The following MTA3 variants were observed in gnomAD, a reference collection of about 807,000 sequenced individuals.
MTA3 encodes metastasis-associated protein MTA3.
MTA3 carries 34 observed loss-of-function variants against 83.5 expected under a neutral mutation model. The ratio of observed to expected loss-of-function variants is 0.41; its 90% CI spans 0.31 to 0.54. The LOEUF (loss-of-function observed/expected upper bound fraction) is 0.54, where lower values mean the gene tolerates loss of function less well. Ranked by LOEUF, MTA3 falls within the 20% of genes least tolerant of loss-of-function variation. The pLI is 0.33. For missense variants in MTA3, 761 were observed against 726.4 expected, an observed-to-expected ratio of 1.05 and a Z score of -0.55; for synonymous variants, 303 against 252.7, an observed-to-expected ratio of 1.20 and a Z score of -1.89.
At chr2:42,544,270 A>G (rs1451248663) in intron 2 of MTA3, among the ~76,000 whole-genome samples, 1 of 151,888 alleles carries the variant, frequency 6.6e-6, no homozygotes, top group Non-Finnish European at 1.5e-5. Context: ...ACACAGTGAA[A>G]CCTCGTCTCT....
chr2:42,756,154 C>A lies in MTA3; in HGVS notation c.*2755C>A, dbSNP rs1670222570. ...AACAACAACAGCAAGCCGCCCCCAT[C>A]CTGAGACTGGCTGGGCACCAGGGGA... On this transcript the variant is annotated 3_prime_UTR_variant, in exon 17 of 17. Transcript: ENST00000405094. The A allele has an allele frequency of 2.4e-6, 1 of 424,214 alleles. No individual in the cohort carries two copies. Among genetic ancestry groups the A allele is most frequent in the Non-Finnish European group, 3.2e-6 (1 of 316,822 alleles). The allele number at this position is 424,214 out of a possible 1,614,324, so 26.3% of individuals were successfully genotyped here. A position where few individuals can be genotyped will look rare whatever the true frequency, so the allele number is the denominator to read the frequency against.
intron 16 of MTA3, among the ~76,000 whole-genome samples, chr2:42,731,110 C>G (rs1304959470): frequency 6.6e-6 from 1 of 152,072 alleles, no homozygotes; most frequent in African/African-American, 2.4e-5. Flanking sequence ...TTTAGTCTGG[C>G]TAAAGGTTTA....
intron 14 of MTA3, among the ~76,000 whole-genome samples, chr2:42,713,491 T>C (rs1190791600): frequency 3.3e-5 from 5 of 152,172 alleles, no homozygotes; most frequent in Admixed American, 1.3e-4. Context: ...GGGAGTTTAA[T>C]AAAAATTTGG....
chr2:42,628,406 G>T (rs971832082), intron 4 of MTA3, among the ~76,000 whole-genome samples: 2 of 151,774 alleles, frequency 1.3e-5, no homozygotes, highest in East Asian at 3.9e-4. Context: ...AAATTTTTTG[G>T]TATTTTTAGT....
intron 4 of MTA3, among the ~76,000 whole-genome samples, chr2:42,626,376 C>T (rs1033889002): frequency 6.6e-6 from 1 of 151,762 alleles, no homozygotes; most frequent in Non-Finnish European, 1.5e-5. Context: ...CGGCTCACTG[C>T]AACCTCTGCT....
intron 11 of MTA3, among the ~76,000 whole-genome samples, chr2:42,700,879 C>G (rs1413960421): frequency 6.6e-6 from 1 of 152,112 alleles, no homozygotes. Flanking sequence ...GGCAGGAAGA[C>G]TGCTTGAAGC....
At chr2:42,720,951 C>CAAAA (rs377702701) in intron 15 of MTA3, among the ~76,000 whole-genome samples, 66 of 69,506 alleles carry the variant, frequency 9.5e-4, no homozygotes, top group African/African-American at 2.4e-3. Context: ...GACCCTGTCT[C>CAAAA]AAAAAAAAAA....
intron 3 of MTA3, among the ~76,000 whole-genome samples, chr2:42,595,033 G>T (rs1323007463): frequency 2.8e-5 from 4 of 145,438 alleles, no homozygotes; most frequent in African/African-American, 1.0e-4. Flanking sequence ...GATTACAGGT[G>T]TGAGCCACCA....
In MTA3 at chr2:42,601,020, C is replaced by T. The variant is rs1682503149; in HGVS notation, c.191-8438C>T. On this transcript the variant is annotated intron_variant, in intron 3 of 16. Coordinates refer to ENST00000405094, the MANE Select transcript of MTA3 (RefSeq NM_001330442.2). ...CTCCCGGGTTCAGGTAATTCTCCTGCCTCAGCCTCCCGAGTAGCTGGGACT... is the reference window on the plus strand; with the variant it reads ...CTCCCGGGTTCAGGTAATTCTCCTGTCTCAGCCTCCCGAGTAGCTGGGACT... Among the ~76,000 whole-genome samples, 3 of 152,128 alleles carry T rather than the reference C, an allele frequency of 2.0e-5. 1 individual carries two copies. The South Asian group carries it at 6.2e-4, about 32-fold the overall frequency.
intron 3 of MTA3, among the ~76,000 whole-genome samples, chr2:42,601,691 T>G (rs1240233894): frequency 1.3e-5 from 2 of 151,830 alleles, no homozygotes; most frequent in East Asian, 3.9e-4. Flanking sequence ...CCCACCTAAT[T>G]TTTTTTGAGA....
chr2:42,743,577 A>G (rs908667623), intron 16 of MTA3, among the ~76,000 whole-genome samples: 1 of 152,012 alleles, frequency 6.6e-6, no homozygotes, highest in Non-Finnish European at 1.5e-5. Context: ...TACACTGTGG[A>G]TCTGTTTATT....
intron 6 of MTA3, among the ~76,000 whole-genome samples, chr2:42,650,292 A>G (rs1373261735): frequency 6.6e-6 from 1 of 152,238 alleles, no homozygotes; most frequent in African/African-American, 2.4e-5. Context: ...GAGGCCAGGT[A>G]TGAAAAATTT....
intron 11 of MTA3, chr2:42,702,695 G>T (rs964573547): frequency 6.6e-6 from 1 of 152,198 alleles, no homozygotes; most frequent in Non-Finnish European, 1.5e-5. Context: ...TGAGGTCAGA[G>T]ACTTATTTAT....
chr2:42,730,816 G>T (rs1668182796), intron 16 of MTA3, among the ~76,000 whole-genome samples: 1 of 152,178 alleles, frequency 6.6e-6, no homozygotes, highest in Non-Finnish European at 1.5e-5. Context: ...AAATTCAGCA[G>T]TGAAGCCATA....
At chr2:42,554,553 G>A (rs1677286883) in intron 2 of MTA3, among the ~76,000 whole-genome samples, 1 of 152,138 alleles carries the variant, frequency 6.6e-6, no homozygotes, top group African/African-American at 2.4e-5. Flanking sequence ...CATCCCTGGG[G>A]GCCAGGGATA....
At chr2:42,503,298 G>A (rs766051207) in intron 2 of MTA3, among the ~76,000 whole-genome samples, 3 of 152,214 alleles carry the variant, frequency 2.0e-5, no homozygotes, top group African/African-American at 7.2e-5. Flanking sequence ...GTGCTGGTGG[G>A]AGTGTAGCAC....
At chr2:42,669,083 ATTTTT>A (rs761988223) in intron 8 of MTA3, among the ~76,000 whole-genome samples, 1 of 130,752 alleles carries the variant, frequency 7.6e-6, no homozygotes, top group East Asian at 2.3e-4. Context: ...GAAAATACAG[ATTTTT>A]TTTTTTTTTT....
At chr2:42,534,551 C>T (rs1271389510) in intron 2 of MTA3, among the ~76,000 whole-genome samples, 10 of 151,686 alleles carry the variant, frequency 6.6e-5, no homozygotes, top group Non-Finnish European at 1.5e-4. Flanking sequence ...GAGCCAAGAT[C>T]GAGCCACCGC....
chr2:42,715,700 A>G (rs1444207311), intron 14 of MTA3, among the ~76,000 whole-genome samples: 2 of 152,168 alleles, frequency 1.3e-5, no homozygotes, highest in African/African-American at 2.4e-5. Flanking sequence ...TATAGTTTAA[A>G]ATGAAGTATC....
Sources: allele counts gnomAD v4.1 joint callset (sites outside exome capture counted in the v4.1 genomes callset), GRCh38; gene constraint gnomAD v4.1.1; transcripts MANE v1.5; gene names NCBI Gene and HGNC (gene_info 2026-07-23, HGNC 2026-07-21).